SLC4A1AP: variants seen among roughly 807,000 people sequenced by gnomAD.
The protein encoded by SLC4A1AP is kanadaptin.
Under a neutral mutation model 89.7 loss-of-function variants are expected in SLC4A1AP, and 64 were observed. The observed-to-expected ratio is 0.71, with a 90% CI of 0.58 to 0.88. SLC4A1AP has a LOEUF of 0.88. SLC4A1AP is among the 40% of genes least tolerant of loss of function. The pLI, the probability that SLC4A1AP is intolerant of heterozygous loss-of-function variation, is 0.00. For missense variants in SLC4A1AP, 931 were observed against 965.0 expected, an observed-to-expected ratio of 0.96 and a Z score of 0.47; for synonymous variants, 366 against 353.3, an observed-to-expected ratio of 1.04 and a Z score of -0.40.
At chr2:27,677,763 T>C in exon 8 of SLC4A1AP, 1 of 1,607,436 alleles carries the variant, frequency 6.2e-7, no homozygotes, top group South Asian at 1.1e-5. Context: ...CATCTCAGGA[T>C]TCTTTAGATG....
At chr2:27,687,375 G>C (rs1205658065) in intron 10 of SLC4A1AP, among the ~76,000 whole-genome samples, 1 of 151,856 alleles carries the variant, frequency 6.6e-6, no homozygotes, top group African/African-American at 2.4e-5. Flanking sequence ...TTGAGCCCAG[G>C]AGTTTGAAAC....
intron 9 of SLC4A1AP, among the ~76,000 whole-genome samples, chr2:27,684,298 C>T (rs754928369): frequency 4.0e-5 from 6 of 151,784 alleles, no homozygotes; most frequent in South Asian, 2.1e-4. Flanking sequence ...CGGTGGCCTG[C>T]GCACCTATAA....
intron 5 of SLC4A1AP, among the ~76,000 whole-genome samples, chr2:27,673,356 C>A (rs1181963380): frequency 7.3e-6 from 1 of 137,474 alleles, no homozygotes; most frequent in Non-Finnish European, 1.6e-5. Flanking sequence ...TTTTTCTTTT[C>A]CTCCTTTCCC....
At chr2:27,664,758 C>CA (rs1420085186) in intron 1 of SLC4A1AP, among the ~76,000 whole-genome samples, 181 bp downstream of exon 1, 4 of 152,202 alleles carry the variant, frequency 2.6e-5, no homozygotes, top group Non-Finnish European at 5.9e-5. Context: ...GTCATGTTCA[C>CA]AATCCCGAAC....
chr2:27,675,450 T>A, intron 5 of SLC4A1AP, 82 bp from the exon 6 acceptor site: 1 of 955,472 alleles, frequency 1.0e-6, no homozygotes, highest in South Asian at 2.1e-5. Context: ...TGGTGACATT[T>A]TAAGCTCCTT....
intron 5 of SLC4A1AP, among the ~76,000 whole-genome samples, chr2:27,673,493 C>T: frequency 7.6e-6 from 1 of 132,042 alleles, no homozygotes; most frequent in East Asian, 2.6e-4. Flanking sequence ...CCTTCTCTTT[C>T]CTCTATGCTG....
Position 27,684,826 on chromosome 2 carries a change from CT to C in SLC4A1AP, c.1876-208del, listed in dbSNP as rs200426781. 1.0e-3 allele frequency among the ~76,000 whole-genome samples: 157 copies of C among 152,268 alleles called. 1 individual carries two copies. In the East Asian group the frequency reaches 0.013, roughly 13 times the overall value. ...TTTCAAGTGTTTTGTATTTAGTAAT[CT>C]TTGACTCTAGGAACTAATAAAGACA... is the stretch of plus-strand genomic sequence containing the variant. On this transcript the variant is annotated intron_variant, in intron 9 of 13. Coordinates refer to ENST00000613058, the Ensembl canonical transcript of SLC4A1AP.
chr2:27,671,025 G>A (rs563756675), intron 5 of SLC4A1AP, among the ~76,000 whole-genome samples: 2 of 146,130 alleles, frequency 1.4e-5, no homozygotes, highest in African/African-American at 5.1e-5. Context: ...TCGGGTTCAA[G>A]TGATTCTTCT....
exon 1 of SLC4A1AP, chr2:27,663,933 C>A (rs201754995): frequency 6.2e-7 from 1 of 1,614,210 alleles, no homozygotes; most frequent in Non-Finnish European, 8.5e-7. Context: ...CATTCTCTCT[C>A]AGTCAGAGAC....
intron 10 of SLC4A1AP, 59 bp from the exon 11 acceptor site, chr2:27,687,875 G>T: frequency 3.7e-6 from 5 of 1,359,158 alleles, no homozygotes; most frequent in African/African-American, 1.5e-5. Context: ...GTTTTTGTTT[G>T]TTTGGCTTTC....
chr2:27,665,498 T>G (rs1333988544), intron 2 of SLC4A1AP, among the ~76,000 whole-genome samples: 1 of 152,216 alleles, frequency 6.6e-6, no homozygotes, highest in Non-Finnish European at 1.5e-5. Flanking sequence ...GCACTTTGGA[T>G]TTTTTAAAAA....
chr2:27,668,932 T>C, intron 4 of SLC4A1AP, 29 bp downstream of exon 4: 1 of 1,605,486 alleles, frequency 6.2e-7, no homozygotes, highest in South Asian at 1.1e-5. Flanking sequence ...AATGTTCTTT[T>C]CTGGAAAATG....
At chr2:27,675,781 T>A (rs1488709571) in intron 6 of SLC4A1AP, 89 bp downstream of exon 6, 1 of 907,810 alleles carries the variant, frequency 1.1e-6, no homozygotes, top group Non-Finnish European at 1.5e-6. Flanking sequence ...TTATGATAAT[T>A]TTTAAAGTAG....
intron 12 of SLC4A1AP, chr2:27,691,473 T>A (rs1675786116): frequency 6.6e-6 from 1 of 152,134 alleles, no homozygotes; most frequent in Non-Finnish European, 1.5e-5. Context: ...ATTTAGTTTA[T>A]CTTTTCAAAA....
At chr2:27,683,209 C>G (rs1435717775) in intron 9 of SLC4A1AP, among the ~76,000 whole-genome samples, 1 of 152,192 alleles carries the variant, frequency 6.6e-6, no homozygotes, top group Non-Finnish European at 1.5e-5. Context: ...GTCTCTTGAG[C>G]TTTATGATTT....
intron 8 of SLC4A1AP, among the ~76,000 whole-genome samples, chr2:27,678,720 CTT>C (rs60572659): frequency 4.2e-4 from 59 of 139,014 alleles, no homozygotes; most frequent in Admixed American, 4.4e-4. Flanking sequence ...AACCTAATAC[CTT>C]TTTTTTTTTT....
chr2:27,682,255 A>G, exon 9 of SLC4A1AP: 2 of 1,610,430 alleles, frequency 1.2e-6, no homozygotes, highest in Non-Finnish European at 1.7e-6. Flanking sequence ...TAGGACTGAA[A>G]CTCAGACTAC....
chr2:27,693,861 G>C (rs1209847167), intron 13 of SLC4A1AP, 107 bp downstream of exon 13: 7 of 752,046 alleles, frequency 9.3e-6, no homozygotes, highest in Non-Finnish European at 1.4e-5. Flanking sequence ...AGTATGTAGT[G>C]ATAATTTGTA....
At chr2:27,666,602 G>C (rs1387981155) in intron 2 of SLC4A1AP, among the ~76,000 whole-genome samples, 1 of 152,038 alleles carries the variant, frequency 6.6e-6, no homozygotes, top group African/African-American at 2.4e-5. Context: ...ATTATATTGG[G>C]AACGAAAGTT....
Sources: allele counts gnomAD v4.1 joint callset (sites outside exome capture counted in the v4.1 genomes callset), GRCh38; gene constraint gnomAD v4.1.1; transcripts MANE v1.5; gene names NCBI Gene and HGNC (gene_info 2026-07-23, HGNC 2026-07-21).